Variants in RFPL1 observed in about 807,000 individuals in gnomAD.
The protein encoded by RFPL1 is ret finger protein-like 1.
RFPL1 carries 6 observed loss-of-function variants against 9.6 expected under a neutral mutation model. The ratio of observed to expected loss-of-function variants is 0.62; its 90% CI spans 0.34 to 1.23. The LOEUF (loss-of-function observed/expected upper bound fraction) is 1.23, where lower values mean the gene tolerates loss of function less well. RFPL1 is among the 50% of genes most tolerant of loss of function. The pLI is 0.03. For synonymous variants in RFPL1, 145 were observed against 149.4 expected (o/e 0.97, Z 0.22); for missense variants, 352 against 398.4 (o/e 0.88, Z 0.99).
chr22:29,416,181 A>T, the RFPL1 span, among the ~76,000 whole-genome samples: 3 of 152,216 alleles, frequency 2.0e-5, no homozygotes, highest in African/African-American at 7.2e-5. Context: ...GGAAAACCTG[A>T]TCCAGACATG....
chr22:29,425,743 G>A, the RFPL1 span, among the ~76,000 whole-genome samples: 2 of 152,010 alleles, frequency 1.3e-5, no homozygotes, highest in African/African-American at 4.8e-5. Context: ...GCGGTGGGTG[G>A]ATCACCTGAG....
the RFPL1 span, among the ~76,000 whole-genome samples, chr22:29,431,668 G>A: frequency 1.3e-5 from 2 of 151,094 alleles, no homozygotes; most frequent in Non-Finnish European, 2.9e-5. Context: ...TTATTTCAGC[G>A]TGTAATCAAT....
exon 2 of RFPL1, chr22:29,441,745 G>A: frequency 6.2e-7 from 1 of 1,613,968 alleles, no homozygotes; most frequent in South Asian, 1.1e-5. Context: ...CACAGAATGG[G>A]ACCTGGGAGT....
chr22:29,411,273 TTAGGGTGAGAAAATGAAGGCTCAGAAAGG>T, the RFPL1 span, among the ~76,000 whole-genome samples: 6 of 152,124 alleles, frequency 3.9e-5, no homozygotes, highest in Non-Finnish European at 7.4e-5. Flanking sequence ...TATCTCCATT[TTAGGGTGAGAAAATGAAGGCTCAGAAAGG>T]TTATATAACT....
the RFPL1 span, among the ~76,000 whole-genome samples, chr22:29,395,465 C>T: frequency 6.6e-6 from 1 of 152,112 alleles, no homozygotes; most frequent in Admixed American, 6.5e-5. Context: ...CTGGCACAAC[C>T]CCCAGGGCAG....
the RFPL1 span, among the ~76,000 whole-genome samples, chr22:29,395,097 T>C: frequency 6.6e-6 from 1 of 152,198 alleles, no homozygotes; most frequent in East Asian, 1.9e-4. Flanking sequence ...AATGAATGGG[T>C]GCATAAGTAC....
chr22:29,410,352 ATATATGTAGATATATATATC>A, the RFPL1 span, among the ~76,000 whole-genome samples: 50 of 72,336 alleles, frequency 6.9e-4, no homozygotes, highest in Non-Finnish European at 1.1e-3. Context: ...ATATATAGAT[ATATATGTAGATATATATATC>A]TATATATATA....
chr22:29,429,229 A>AT, the RFPL1 span, among the ~76,000 whole-genome samples: 1 of 151,906 alleles, frequency 6.6e-6, no homozygotes, highest in African/African-American at 2.4e-5. Flanking sequence ...GAATTTTTCT[A>AT]TTTTTTGTAG....
exon 2 of RFPL1, chr22:29,441,905 G>A: frequency 2.5e-6 from 4 of 1,612,670 alleles, no homozygotes; most frequent in Non-Finnish European, 3.4e-6. Flanking sequence ...CAGCGAGTGG[G>A]GATTTTTCTG....
the RFPL1 span, among the ~76,000 whole-genome samples, chr22:29,422,011 C>T: frequency 5.3e-5 from 8 of 152,080 alleles, no homozygotes; most frequent in Non-Finnish European, 1.0e-4. Context: ...TTCATCTGGT[C>T]GGCAGGCATG....
rs141771346 is a variant in RFPL1 at position 29,442,195 on chromosome 22, C to T, written c.*73C>T. ...TGGGCAGACTTAGGAACGCTCTACTCGGTAAAAGCGTTATACAAAGTCATA... is the reference window on the plus strand; with the variant it reads ...TGGGCAGACTTAGGAACGCTCTACTTGGTAAAAGCGTTATACAAAGTCATA... On this transcript the variant is annotated 3_prime_UTR_variant, in exon 2 of 2. Coordinates refer to ENST00000354373, the Ensembl canonical transcript of RFPL1. The T allele has an allele frequency of 3.6e-3, 4,007 of 1,115,262 alleles. 34 individuals are homozygous for T. The highest frequency in any genetic ancestry group is 0.03 in the East Asian group (1,252 of 41,724). 69.1% of individuals were successfully genotyped at this position (1,115,262 alleles called of 1,614,324 possible).
At chr22:29,390,049 C>A in the RFPL1 span, among the ~76,000 whole-genome samples, 1 of 152,202 alleles carries the variant, frequency 6.6e-6, no homozygotes, top group African/African-American at 2.4e-5. Flanking sequence ...ATCTGCCCAC[C>A]TCAGCTTCCC....
the RFPL1 span, among the ~76,000 whole-genome samples, chr22:29,410,635 ATTG>A: frequency 1.6e-3 from 161 of 102,050 alleles, no homozygotes; most frequent in Non-Finnish European, 2.3e-3. Context: ...AGATAGATAT[ATTG>A]TAGATATATC....
chr22:29,433,924 C>T (rs1470867527), upstream of RFPL1, among the ~76,000 whole-genome samples: 1 of 151,910 alleles, frequency 6.6e-6, no homozygotes, highest in African/African-American at 2.4e-5. Flanking sequence ...TTAAAATTAC[C>T]TGGAGATCTT....
At chr22:29,439,129 T>C (rs780806355) in exon 1 of RFPL1, 2 of 1,614,150 alleles carry the variant, frequency 1.2e-6, no homozygotes, top group South Asian at 1.1e-5. Flanking sequence ...CTGAAGAAGA[T>C]TCTGCAGATG....
the RFPL1 span, among the ~76,000 whole-genome samples, chr22:29,426,190 G>A: frequency 6.6e-6 from 1 of 151,724 alleles, no homozygotes; most frequent in Non-Finnish European, 1.5e-5. Context: ...AGACGTGGTG[G>A]CAAGTGCCTG....
the RFPL1 span, among the ~76,000 whole-genome samples, chr22:29,405,970 G>A: frequency 6.7e-6 from 1 of 150,242 alleles, no homozygotes; most frequent in African/African-American, 2.4e-5. Flanking sequence ...TTAGCCGGGC[G>A]CGGTGGCAGG....
chr22:29,388,396 T>G, the RFPL1 span: 1 of 152,546 alleles, frequency 6.6e-6, no homozygotes, highest in African/African-American at 2.4e-5. Flanking sequence ...CTTCTTCTCC[T>G]GGCTCGCCCG....
chr22:29,394,883 C>T, the RFPL1 span, among the ~76,000 whole-genome samples: 1 of 152,172 alleles, frequency 6.6e-6, no homozygotes, highest in Non-Finnish European at 1.5e-5. Flanking sequence ...GGGCTGATGA[C>T]GGCAGGCCTC....
Sources: gnomAD v4.1 joint callset for allele counts (sites outside exome capture counted in the v4.1 genomes callset) on GRCh38, gnomAD v4.1.1 for gene constraint, MANE v1.5 for transcripts, NCBI Gene and HGNC (gene_info 2026-07-23, HGNC 2026-07-21) for gene names.